The following SYNDIG1L variants were observed in gnomAD, a reference collection of about 807,000 sequenced individuals.
The protein encoded by SYNDIG1L is synapse differentiation inducing 1 like.
SYNDIG1L carries 13 observed loss-of-function variants against 20.1 expected under a neutral mutation model. That is an observed-to-expected ratio of 0.65 (90% CI 0.42 to 1.03). SYNDIG1L has a LOEUF of 1.03. Among genes scored for constraint, SYNDIG1L ranks in the 50% least tolerant of loss-of-function variants. The pLI is 0.00. For synonymous variants in SYNDIG1L, 128 were observed against 129.3 expected, an observed-to-expected ratio of 0.99 and a Z score of 0.07; for missense variants, 294 against 305.1, an observed-to-expected ratio of 0.96 and a Z score of 0.27.
At chr14:74,414,463 C>G (rs1329433540) in intron 1 of SYNDIG1L, among the ~76,000 whole-genome samples, 1 of 152,126 alleles carries the variant, frequency 6.6e-6, no homozygotes, top group Non-Finnish European at 1.5e-5. Context: ...GTTTCCCATT[C>G]CCTGATTTGG....
chr14:74,412,730 G>A (rs1268544102), intron 1 of SYNDIG1L, among the ~76,000 whole-genome samples: 1 of 152,146 alleles, frequency 6.6e-6, no homozygotes, highest in East Asian at 1.9e-4. Flanking sequence ...GATTCATCTC[G>A]GGCTTCCCGA....
At chr14:74,477,057 CA>C in the SYNDIG1L span, among the ~76,000 whole-genome samples, 1 of 47,084 alleles carries the variant, frequency 2.1e-5, no homozygotes. Flanking sequence ...CACACACACA[CA>C]CACACACACA....
the SYNDIG1L span, among the ~76,000 whole-genome samples, chr14:74,441,709 C>T: frequency 6.6e-6 from 1 of 151,980 alleles, no homozygotes; most frequent in Non-Finnish European, 1.5e-5. Context: ...GATAGGGTCT[C>T]AGTATATTTC....
chr14:74,474,145 T>C, the SYNDIG1L span: 2 of 152,342 alleles, frequency 1.3e-5, no homozygotes, highest in East Asian at 1.9e-4. Flanking sequence ...TGCACATCCA[T>C]TGTTTCCTTT....
the SYNDIG1L span, among the ~76,000 whole-genome samples, chr14:74,447,978 C>G: frequency 6.6e-6 from 1 of 152,010 alleles, no homozygotes; most frequent in Non-Finnish European, 1.5e-5. Context: ...CTATAAACCC[C>G]TAAGTAAGTC....
At chr14:74,418,242 A>C (rs2086192984) in intron 1 of SYNDIG1L, among the ~76,000 whole-genome samples, 1 of 152,186 alleles carries the variant, frequency 6.6e-6, no homozygotes, top group South Asian at 2.1e-4. Flanking sequence ...GCCAGCTTGG[A>C]GTCATTAGCT....
intron 1 of SYNDIG1L, among the ~76,000 whole-genome samples, chr14:74,425,176 G>A (rs1037816117): frequency 2.6e-5 from 4 of 151,894 alleles, no homozygotes; most frequent in East Asian, 1.9e-4. Flanking sequence ...CTCATTCAGC[G>A]CACTCTTGCC....
the SYNDIG1L span, among the ~76,000 whole-genome samples, chr14:74,455,253 A>G: frequency 6.6e-6 from 1 of 152,216 alleles, no homozygotes; most frequent in East Asian, 1.9e-4. Context: ...TGAAAGAACC[A>G]GGGGAGGCCA....
chr14:74,457,743 C>T, the SYNDIG1L span, among the ~76,000 whole-genome samples: 1 of 152,000 alleles, frequency 6.6e-6, no homozygotes, highest in Admixed American at 6.6e-5. Flanking sequence ...TGCCTCTCTC[C>T]AAAGCTTATT....
At chr14:74,421,265 G>T (rs564442337) in intron 1 of SYNDIG1L, among the ~76,000 whole-genome samples, 2 of 152,172 alleles carry the variant, frequency 1.3e-5, no homozygotes, top group South Asian at 2.1e-4. Context: ...TCAGTGAAAA[G>T]ACTGGATAAT....
intron 1 of SYNDIG1L, among the ~76,000 whole-genome samples, chr14:74,420,186 C>A (rs2086210058): frequency 1.3e-5 from 2 of 151,878 alleles, no homozygotes; most frequent in Admixed American, 6.6e-5. Flanking sequence ...GACTTGAGGT[C>A]AGGAGTTTGA....
chr14:74,434,421 GATT>G, the SYNDIG1L span, among the ~76,000 whole-genome samples: 1 of 152,008 alleles, frequency 6.6e-6, no homozygotes, highest in Non-Finnish European at 1.5e-5. Flanking sequence ...ATTTCTAAAG[GATT>G]ATGTTCTCCT....
chr14:74,410,103 G>A (rs898240763), intron 1 of SYNDIG1L, among the ~76,000 whole-genome samples: 5 of 152,240 alleles, frequency 3.3e-5, no homozygotes, highest in African/African-American at 1.2e-4. Flanking sequence ...GTACCATGGT[G>A]AGAAAGATGA....
chr14:74,456,181 C>G, the SYNDIG1L span, among the ~76,000 whole-genome samples: 1 of 152,130 alleles, frequency 6.6e-6, no homozygotes, highest in Non-Finnish European at 1.5e-5. Context: ...GGTCTCATCC[C>G]CTCTCTGGGT....
chr14:74,447,523 G>A, the SYNDIG1L span, among the ~76,000 whole-genome samples: 4 of 151,280 alleles, frequency 2.6e-5, no homozygotes, highest in Non-Finnish European at 4.4e-5. Flanking sequence ...GGAGGTGGAG[G>A]TTGCAGTGAG....
the SYNDIG1L span, among the ~76,000 whole-genome samples, chr14:74,445,343 G>A: frequency 1.3e-5 from 2 of 151,988 alleles, no homozygotes; most frequent in East Asian, 3.9e-4. Flanking sequence ...CCAGTCTCTG[G>A]TATTCCTTTA....
the SYNDIG1L span, chr14:74,476,177 C>T: frequency 3.9e-6 from 2 of 513,992 alleles, no homozygotes; most frequent in Non-Finnish European, 7.0e-6. Flanking sequence ...GTGGCAGAGG[C>T]ATATGGATGG....
chr14:74,441,091 T>C, the SYNDIG1L span, among the ~76,000 whole-genome samples: 1 of 152,240 alleles, frequency 6.6e-6, no homozygotes, highest in Non-Finnish European at 1.5e-5. Flanking sequence ...AAAGTTATTA[T>C]GGTTCAAGTC....
chr14:74,464,411 T>C, the SYNDIG1L span, among the ~76,000 whole-genome samples: 1 of 152,086 alleles, frequency 6.6e-6, no homozygotes, highest in South Asian at 2.1e-4. Context: ...AACCGTGAGC[T>C]CTTTGGTGGC....
Sources: allele counts gnomAD v4.1 joint callset (sites outside exome capture counted in the v4.1 genomes callset), GRCh38; gene constraint gnomAD v4.1.1; transcripts MANE v1.5; gene names NCBI Gene and HGNC (gene_info 2026-07-23, HGNC 2026-07-21).